ZBTB48: variants seen among roughly 807,000 people sequenced by gnomAD.
The protein encoded by ZBTB48 is zinc finger and BTB domain containing 48.
Under a neutral mutation model 64.5 loss-of-function variants are expected in ZBTB48, and 35 were observed. The ratio of observed to expected loss-of-function variants is 0.54; its 90% CI spans 0.41 to 0.72. ZBTB48 has a LOEUF of 0.72. Among genes scored for constraint, ZBTB48 ranks in the 30% least tolerant of loss-of-function variants. ZBTB48 has a pLI of 0.00. For synonymous variants in ZBTB48, 442 were observed against 356.7 expected (o/e 1.24, Z -2.70); for missense variants, 828 against 895.3 (o/e 0.92, Z 0.96).
rs541082163 is a variant in ZBTB48 at position 6,586,078 on chromosome 1, C to T, written c.1044+48C>T. 23 of 1,589,500 alleles carry T rather than the reference C, an allele frequency of 1.4e-5. No homozygotes were observed. The South Asian group carries it at 2.3e-4, about 16-fold the overall frequency. Reference sequence around the variant, plus strand: ...ACTTGTGGGCAGGGCACACTGGCCTCTCTGTCTTCGTGCCATCCGGGAAGG... The same window carrying T: ...ACTTGTGGGCAGGGCACACTGGCCTTTCTGTCTTCGTGCCATCCGGGAAGG... On this transcript the variant is annotated intron_variant, in intron 4 of 10. Coordinates refer to ENST00000377674, the MANE Select transcript of ZBTB48 (RefSeq NM_005341.4).
chr1:6,587,504 G>A lies in ZBTB48; in HGVS notation c.1251G>A (p.Leu417=). The change falls in exon 7 of 11, where the codon CTG becomes CTA. Residue 417 remains leucine (L), a synonymous_variant. Coordinates refer to ENST00000377674, the MANE Select transcript of ZBTB48 (RefSeq NM_005341.4). The stretch of plus-strand genomic sequence containing the variant: ...GCCCCACCTGTGCCAAGTGCTTCCT[G>A]TCTCGGACAGAGCTGCAGCTGCATG... ...HACPTCAKCF[L]SRTELQLHEA... 6.2e-7 allele frequency: 1 copy of A among 1,614,040 alleles called. No individual in the cohort carries two copies. The highest frequency in any genetic ancestry group is 2.2e-5 in the East Asian group (1 of 44,878).
rs1640579663 is a variant in ZBTB48 at position 6,584,247 on chromosome 1, A to G, written c.933-1672A>G. ...CTATTTTAACTTAAAATTTAAAATTAAATAAAAATTCAGTTCCTCAGATAC... is the reference window on the plus strand; with the variant it reads ...CTATTTTAACTTAAAATTTAAAATTGAATAAAAATTCAGTTCCTCAGATAC... On this transcript the variant is annotated intron_variant, in intron 3 of 10. Coordinates refer to ENST00000377674, the MANE Select transcript of ZBTB48 (RefSeq NM_005341.4). This position sits in a 1 kb window ranked among gnomAD's most constrained non-coding sequence, Gnocchi z 4.5. Among the ~76,000 whole-genome samples the G allele has an allele frequency of 2.6e-5, 4 of 152,258 alleles. No homozygotes were observed. The South Asian group carries it at 8.3e-4, about 31-fold the overall frequency.
chr1:6,588,018 T>C (rs772230445), intron 7 of ZBTB48, 42 bp from the exon 8 acceptor site: 1 of 1,611,452 alleles, frequency 6.2e-7, no homozygotes, highest in African/African-American at 1.3e-5. Flanking sequence ...GGGGGTCACT[T>C]CCCTTGGTGA....
chr1:6,586,043 T>G lies in ZBTB48; in HGVS notation c.1044+13T>G. On this transcript the variant is annotated intron_variant, in intron 4 of 10. Coordinates refer to ENST00000377674, the MANE Select transcript of ZBTB48 (RefSeq NM_005341.4). ...CCGCTCGGAACAGGTACTTGGGAGCTGGCCCAGGTACTTGTGGGCAGGGCA... is the reference window on the plus strand; with the variant it reads ...CCGCTCGGAACAGGTACTTGGGAGCGGGCCCAGGTACTTGTGGGCAGGGCA... 6.2e-7 allele frequency: 1 copy of G among 1,613,346 alleles called. No homozygotes were observed. The highest frequency in any genetic ancestry group is 8.5e-7 in the Non-Finnish European group (1 of 1,179,290).
At chr1:6,583,426 G>A (rs1640543936) in intron 3 of ZBTB48, among the ~76,000 whole-genome samples, 1 of 149,538 alleles carries the variant, frequency 6.7e-6, no homozygotes, top group South Asian at 2.1e-4. Flanking sequence ...TCAGCCTCCC[G>A]AGTAGCTGGG....
rs372958065 is a variant in ZBTB48, at chr1:6,581,166, C to T, written c.557C>T (p.Pro186Leu). The T allele has an allele frequency of 6.8e-6, 11 of 1,613,466 alleles. No homozygotes were observed. In the East Asian group the frequency reaches 8.9e-5, roughly 13 times the overall value. ...QLHSPAQSEG[P>L]SSLCGKLKQA... ...CATTCCCCAGCTCAGAGTGAGGGCC[C>T]CTCCTCCCTCTGTGGGAAACTGAAG... Residue 186 changes from proline (P) to leucine (L), a missense_variant, in exon 2 of 11, where the codon CCC becomes CTC. Transcript: ENST00000377674.
In ZBTB48 at chr1:6,582,177, C is replaced by T. The variant is rs757389207; in HGVS notation, c.810C>T (p.Ala270=). ...GAAAGCCCTGTGCAGCTGAGCCAGC[C>T]CTGAGCGCGGGCTCCCTAGCAGCTG... The part of the protein sequence containing the change: ...VIRKPCAAEP[A]LSAGSLAAEP... Residue 270 remains alanine, a synonymous_variant, in exon 3 of 11, where the codon GCC becomes GCT. Coordinates refer to ENST00000377674, the MANE Select transcript of ZBTB48 (RefSeq NM_005341.4). 1.2e-6 allele frequency: 2 copies of T among 1,614,210 alleles called. No individual in the cohort carries two copies. Among genetic ancestry groups the T allele is most frequent in the South Asian group, 1.1e-5 (1 of 91,092 alleles).
chr1:6,582,021 G>A (rs1234239520), intron 2 of ZBTB48, 37 bp from the exon 3 acceptor site: 3 of 1,604,628 alleles, frequency 1.9e-6, no homozygotes, highest in Non-Finnish European at 2.6e-6. Context: ...GATTCATTTG[G>A]TGACGCCACC....
In ZBTB48 at chr1:6,586,783, A is replaced by G; in HGVS notation, c.1133A>G (p.Tyr378Cys). The G allele has an allele frequency of 6.2e-7, 1 of 1,609,404 alleles. No homozygotes were observed. Among genetic ancestry groups the G allele is most frequent in the Non-Finnish European group, 8.5e-7 (1 of 1,177,746 alleles). ...GTGTCTCACACAGGGGAGATGCCCTACAAGGTCAGGCTTGGCCTGTCTCCA... is the reference window on the plus strand; with the variant it reads ...GTGTCTCACACAGGGGAGATGCCCTGCAAGGTCAGGCTTGGCCTGTCTCCA... ...HMVSHTGEMP[Y>C]KCSSCSQQFM... The change falls in exon 5 of 11, where the codon TAC (tyrosine) becomes TGC (cysteine). Residue 378 changes from tyrosine to cysteine, a missense_variant. Tyr to Cys is a radical substitution (Grantham distance 194). Transcript: ENST00000377674.
At position 6,586,687 on chromosome 1, in the gene ZBTB48, A is replaced by C; in HGVS notation, c.1045-8A>C. 2.0e-6 allele frequency: 3 copies of C among 1,534,686 alleles called. No homozygotes were observed. The highest frequency in any genetic ancestry group is 1.8e-6 in the Non-Finnish European group (2 of 1,140,340). ...GATGCCGGCCCTGCTTGCCCCTCAC[A>C]CTGCCAGGTCTTCACGTGCTCTGTG... On this transcript the variant is annotated splice_region_variant and splice_polypyrimidine_tract_variant and intron_variant, in intron 4 of 10. Transcript: ENST00000377674.
At chr1:6,585,462 C>A (rs1640624033) in intron 3 of ZBTB48, 1 of 183,616 alleles carries the variant, frequency 5.4e-6, no homozygotes, top group African/African-American at 2.3e-5. Flanking sequence ...GAACTGAAAC[C>A]TGTGGGGGAG....
At chr1:6,586,520 G>T in intron 4 of ZBTB48, 175 bp from the exon 5 acceptor site, 1 of 1,346,580 alleles carries the variant, frequency 7.4e-7, no homozygotes, top group Non-Finnish European at 9.7e-7. Flanking sequence ...CGGTGGGCTT[G>T]CAGCACTCAG....
chr1:6,587,446 T>C (rs1354172544), intron 6 of ZBTB48, 32 bp from the exon 7 acceptor site: 2 of 1,612,840 alleles, frequency 1.2e-6, no homozygotes, highest in Admixed American at 3.3e-5. Context: ...CTGGCCCTGG[T>C]CCCTCCCTCT....
rs1223309946 is a variant in ZBTB48 at position 6,582,305 on chromosome 1, C to T, written c.932+6C>T. ...TATCTAAAAGTCCACAACAGGTAAA[C>T]GTTCTGTTTTTCTATTTTCTTTTCC... On this transcript the variant is annotated splice_donor_region_variant and intron_variant, in intron 3 of 10. Coordinates refer to ENST00000377674, the MANE Select transcript of ZBTB48 (RefSeq NM_005341.4). 4.4e-6 allele frequency: 7 copies of T among 1,602,922 alleles called. No individual in the cohort carries two copies. Among genetic ancestry groups the T allele is most frequent in the African/African-American group, 2.7e-5 (2 of 74,738 alleles).
At position 6,582,282 on chromosome 1, in the gene ZBTB48, T is replaced by C. The variant is rs1456035259; in HGVS notation, c.915T>C (p.Tyr305=). The change falls in exon 3 of 11, where the codon TAT becomes TAC. Residue 305 remains tyrosine, a synonymous_variant. Coordinates refer to ENST00000377674, the MANE Select transcript of ZBTB48 (RefSeq NM_005341.4). ...ATAAAAAGTTCCTCAGCAAATATTA[T>C]CTAAAAGTCCACAACAGGTAAACGT... ...TCHKKFLSKY[Y]LKVHNRKHTG... 8.1e-6 allele frequency: 13 copies of C among 1,611,208 alleles called. No homozygotes were observed. Among genetic ancestry groups the C allele is most frequent in the Non-Finnish European group, 9.3e-6 (11 of 1,177,594 alleles).
chr1:6,585,227 G>A (rs1471283461), intron 3 of ZBTB48: 1 of 152,732 alleles, frequency 6.5e-6, no homozygotes, highest in African/African-American at 2.4e-5. Context: ...TGGGCAGAGA[G>A]AAGAGCCAGG....
intron 3 of ZBTB48, 139 bp from the exon 4 acceptor site, chr1:6,585,780 G>GGGA: frequency 1.3e-6 from 1 of 746,140 alleles, no homozygotes; most frequent in South Asian, 1.6e-5. Flanking sequence ...GGAGGCTTCT[G>GGGA]GGCTTGTCCC....
At chr1:6,586,345 T>TG (rs1640666293) in intron 4 of ZBTB48, 2 of 497,606 alleles carry the variant, frequency 4.0e-6, no homozygotes, top group Admixed American at 3.4e-5. Flanking sequence ...AAAGGCCCCC[T>TG]GGCCACCCCC....
rs775968978 is a variant in ZBTB48 at position 6,589,195 on chromosome 1, G to A, written c.2050G>A (p.Glu684Lys). The stretch of plus-strand genomic sequence containing the variant: ...CCTCATCATCACAGCTGCTGTCCCC[G>A]AGGACTGTGACACATAGCCCATTCT... ...PSLIITAAVP[E>K]DCDT The change falls in exon 11 of 11, where the codon GAG becomes AAG. Residue 684 changes from glutamate (E) to lysine (K), a missense_variant. By Grantham distance (56) the Glu-to-Lys change is moderately conservative. Transcript: ENST00000377674. The A allele has an allele frequency of 2.3e-5, 35 of 1,522,822 alleles. No homozygotes were observed. The highest frequency in any genetic ancestry group is 1.1e-4 in the African/African-American group (8 of 71,926). 94.3% of individuals were successfully genotyped at this position (1,522,822 alleles called of 1,614,324 possible).
Sources: gnomAD v4.1 joint callset for allele counts (sites outside exome capture counted in the v4.1 genomes callset) on GRCh38, gnomAD v4.1.1 for gene constraint, Gnocchi (gnomAD v3.1) non-coding constraint, MANE v1.5 for transcripts, NCBI Gene and HGNC (gene_info 2026-07-23, HGNC 2026-07-21) for gene names.